The following METTL9 variants were observed in gnomAD, a reference collection of about 807,000 sequenced individuals.
The protein encoded by METTL9 is protein-L-histidine N-pros-methyltransferase.
Under a neutral mutation model 36.0 loss-of-function variants are expected in METTL9, and 10 were observed. The ratio of observed to expected loss-of-function variants is 0.28; its 90% CI spans 0.17 to 0.47. The LOEUF (loss-of-function observed/expected upper bound fraction) is 0.47, where lower values mean the gene tolerates loss of function less well. METTL9 is among the 20% of genes least tolerant of loss of function. The pLI is 0.99. For synonymous variants in METTL9, 175 were observed against 149.7 expected (o/e 1.17, Z -1.23); for missense variants, 246 against 383.5 (o/e 0.64, Z 3.00).
chr16:21,631,679 C>G (rs1965965389), intron 4 of METTL9, among the ~76,000 whole-genome samples: 1 of 152,124 alleles, frequency 6.6e-6, no homozygotes, highest in Non-Finnish European at 1.5e-5. Context: ...AGATTTAGAT[C>G]CCCTGTTAGG....
chr16:21,601,605 C>T (rs566686426), intron 1 of METTL9, among the ~76,000 whole-genome samples: 1 of 152,228 alleles, frequency 6.6e-6, no homozygotes, highest in South Asian at 2.1e-4. Context: ...GTAGACATAG[C>T]CTCAGAATAT....
chr16:21,599,230 T>C (rs1054151452), upstream of METTL9, among the ~76,000 whole-genome samples: 3 of 152,014 alleles, frequency 2.0e-5, no homozygotes, highest in Non-Finnish European at 4.4e-5. This position sits in a 1 kb window ranked among gnomAD's most constrained non-coding sequence, Gnocchi z 4.4. Flanking sequence ...TGGAGTGGGA[T>C]GAGGCGAGGA....
chr16:21,605,300 A>G (rs764301229), intron 1 of METTL9, among the ~76,000 whole-genome samples: 15 of 34,378 alleles, frequency 4.4e-4, no homozygotes, highest in Non-Finnish European at 4.5e-4. Flanking sequence ...TTTTTTTGAG[A>G]AACAAGTTCT....
intron 3 of METTL9, among the ~76,000 whole-genome samples, chr16:21,618,382 A>T (rs1965605031): frequency 1.3e-5 from 2 of 152,208 alleles, no homozygotes; most frequent in African/African-American, 4.8e-5. Context: ...TACACATAGC[A>T]TAGAATTTAC....
chr16:21,599,922 G>A lies in METTL9; in HGVS notation c.165+24G>A. The A allele has an allele frequency of 7.6e-7, 1 of 1,320,812 alleles. No individual in the cohort carries two copies. The highest frequency in any genetic ancestry group is 9.6e-7 in the Non-Finnish European group (1 of 1,041,592). The allele number at this position is 1,320,812 out of a possible 1,614,324, so 81.8% of individuals were successfully genotyped here. On this transcript the variant is annotated intron_variant, in intron 1 of 4. Transcript: ENST00000358154. The surrounding 1 kb of genome is among the most constrained non-coding windows in gnomAD (Gnocchi z 4.4). ...AGGTACGGGCTGGGGCCGGGGCCGGGGCGGGGGCGTGGCGGCCCGGCCTTC... is the reference window on the plus strand; with the variant it reads ...AGGTACGGGCTGGGGCCGGGGCCGGAGCGGGGGCGTGGCGGCCCGGCCTTC...
chr16:21,599,832 C>T lies in METTL9; in HGVS notation c.99C>T (p.Tyr33=). The change falls in exon 1 of 5, where the codon TAC becomes TAT. Residue 33 remains tyrosine, a synonymous_variant. Coordinates refer to ENST00000358154, the MANE Select transcript of METTL9 (RefSeq NM_016025.5). This position sits in a 1 kb window ranked among gnomAD's most constrained non-coding sequence, Gnocchi z 4.4. ...TLRSPLTRSL[Y]VNMTSGPGGP... The stretch of plus-strand genomic sequence containing the variant: ...GGAGCCCGCTCACCCGCTCCCTGTA[C>T]GTGAACATGACTAGCGGCCCGGGTG... The T allele has an allele frequency of 6.5e-7, 1 of 1,538,462 alleles. No individual in the cohort carries two copies.
chr16:21,638,984 A>T (rs1237171667), intron 4 of METTL9, among the ~76,000 whole-genome samples: 1 of 152,186 alleles, frequency 6.6e-6, no homozygotes, highest in African/African-American at 2.4e-5. Flanking sequence ...TTTTGTTGTT[A>T]ATTTTGAAAT....
chr16:21,630,782 A>G (rs1179783697), intron 4 of METTL9, among the ~76,000 whole-genome samples: 1 of 152,192 alleles, frequency 6.6e-6, no homozygotes, highest in Non-Finnish European at 1.5e-5. Context: ...GAAGGTTAAA[A>G]TTACAGGGCC....
intron 4 of METTL9, chr16:21,640,038 A>C (rs1347169743): frequency 6.6e-6 from 1 of 152,208 alleles, no homozygotes; most frequent in Non-Finnish European, 1.5e-5. Context: ...TCCTGGGTTC[A>C]AGTGATCTCC....
intron 4 of METTL9, among the ~76,000 whole-genome samples, chr16:21,628,759 G>A (rs573944630): frequency 1.1e-4 from 16 of 152,148 alleles, no homozygotes; most frequent in Middle Eastern, 3.4e-3. Flanking sequence ...GCCTCCCAGC[G>A]TGTTGGGATT....
In METTL9 at chr16:21,646,170, C is replaced by T. The variant is rs968647565; in HGVS notation, c.752-9057C>T. On this transcript the variant is annotated intron_variant, in intron 4 of 4. Transcript: ENST00000358154. ...TCTGAAATTCCCCCTTTTTTTTTCTCGGGAATGTCTTAATCTCAGTTTACT... is the reference window on the plus strand; with the variant it reads ...TCTGAAATTCCCCCTTTTTTTTTCTTGGGAATGTCTTAATCTCAGTTTACT... Among the ~76,000 whole-genome samples, 9 of 145,398 alleles carry T rather than the reference C, an allele frequency of 6.2e-5. No individual in the cohort carries two copies. In the East Asian group the frequency reaches 7.9e-4, roughly 13 times the overall value.
intron 4 of METTL9, among the ~76,000 whole-genome samples, chr16:21,650,592 G>A (rs553333787): frequency 1.3e-5 from 2 of 151,948 alleles, no homozygotes; most frequent in African/African-American, 4.8e-5. Flanking sequence ...AGTAGTATAG[G>A]ATAAAAACAG....
At chr16:21,599,574 C>T (rs2152891620), upstream of METTL9, 1 of 1,287,970 alleles carries the variant, frequency 7.8e-7, no homozygotes, top group Non-Finnish European at 9.8e-7. The surrounding 1 kb of genome is among the most constrained non-coding windows in gnomAD (Gnocchi z 4.4). Flanking sequence ...GCGCCGGCTG[C>T]TCCTCCCCAC....
intron 1 of METTL9, among the ~76,000 whole-genome samples, chr16:21,608,157 CAAAG>C (rs1408891629): frequency 1.3e-5 from 2 of 150,678 alleles, no homozygotes; most frequent in Non-Finnish European, 2.9e-5. Context: ...TCAAAAAAAA[CAAAG>C]AACTCACCTG....
chr16:21,655,597 T>A lies in METTL9; in HGVS notation c.*165T>A. 1.6e-6 allele frequency: 1 copy of A among 621,038 alleles called. No individual in the cohort carries two copies. Among genetic ancestry groups the A allele is most frequent in the Non-Finnish European group, 2.7e-6 (1 of 368,850 alleles). The allele number at this position is 621,038 out of a possible 1,614,324, so 38.5% of individuals were successfully genotyped here. A position where few individuals can be genotyped will look rare whatever the true frequency, so the allele number is the denominator to read the frequency against. On this transcript the variant is annotated 3_prime_UTR_variant, in exon 5 of 5. Coordinates refer to ENST00000358154, the MANE Select transcript of METTL9 (RefSeq NM_016025.5). ...ATACTAATTATTTCTTTGTAGTGTG[T>A]AAAGGAATGTTTTTAAAAGACAAAA...
rs114010235 is a variant in METTL9, at chr16:21,648,649, G to A, written c.752-6578G>A. ...GGCATGTGAAGCTGGAAAGCCACTCGAGTGCACAAATGGAAAGACCCGCCC... is the reference window on the plus strand; with the variant it reads ...GGCATGTGAAGCTGGAAAGCCACTCAAGTGCACAAATGGAAAGACCCGCCC... On this transcript the variant is annotated intron_variant, in intron 4 of 4. Transcript: ENST00000358154. Among the ~76,000 whole-genome samples the A allele has an allele frequency of 8.8e-3, 1,334 of 152,330 alleles. 21 individuals carry two copies. Among genetic ancestry groups the A allele is most frequent in the African/African-American group, 0.031 (1,274 of 41,558 alleles).
upstream of METTL9, among the ~76,000 whole-genome samples, chr16:21,599,077 T>C (rs762521567): frequency 6.6e-6 from 1 of 152,086 alleles, no homozygotes; most frequent in African/African-American, 2.4e-5. The surrounding 1 kb of genome is among the most constrained non-coding windows in gnomAD (Gnocchi z 4.4). Context: ...ACCATTCGTC[T>C]CCGGGAAGAA....
chr16:21,601,717 C>T (rs766675446), intron 1 of METTL9, among the ~76,000 whole-genome samples: 5 of 143,308 alleles, frequency 3.5e-5, no homozygotes, highest in South Asian at 2.3e-4. Flanking sequence ...TTTCAGATAC[C>T]GTATTTATAT....
intron 1 of METTL9, among the ~76,000 whole-genome samples, chr16:21,603,964 T>G (rs1391781130): frequency 1.3e-5 from 2 of 152,192 alleles, no homozygotes; most frequent in Non-Finnish European, 2.9e-5. Context: ...ATCCTTTTTT[T>G]TCCCCCAAAT....
Sources: allele counts gnomAD v4.1 joint callset (sites outside exome capture counted in the v4.1 genomes callset), GRCh38; gene constraint gnomAD v4.1.1; non-coding constraint Gnocchi (gnomAD v3.1); transcripts MANE v1.5; gene names NCBI Gene and HGNC (gene_info 2026-07-23, HGNC 2026-07-21).